The following GSPT1 variants were observed in gnomAD, a reference collection of about 807,000 sequenced individuals.
GSPT1 encodes the protein G1 to S phase transition 1.
A neutral mutation model predicts 72.5 loss-of-function variants in GSPT1; 20 were observed. The observed-to-expected ratio is 0.28, with a 90% CI of 0.19 to 0.40. The LOEUF (loss-of-function observed/expected upper bound fraction) is 0.40, where lower values mean the gene tolerates loss of function less well. GSPT1 is among the 10% of genes least tolerant of loss of function. GSPT1 has a pLI of 1.00. For synonymous variants in GSPT1, 334 were observed against 293.5 expected, an observed-to-expected ratio of 1.14 and a Z score of -1.41; for missense variants, 580 against 811.9, an observed-to-expected ratio of 0.71 and a Z score of 3.47.
chr16:11,909,089 C>T (rs1282369315), intron 1 of GSPT1, among the ~76,000 whole-genome samples: 1 of 151,352 alleles, frequency 6.6e-6, no homozygotes, highest in African/African-American at 2.4e-5. Context: ...CTGCAGAATG[C>T]GCTTTTTTTT....
At chr16:11,874,987 C>A (rs979262840) in intron 14 of GSPT1, among the ~76,000 whole-genome samples, 82 of 152,248 alleles carry the variant, frequency 5.4e-4, no homozygotes, top group African/African-American at 1.9e-3. Context: ...GTCAGGAGAT[C>A]AAGACCATCC....
At chr16:11,900,225 C>T (rs368325098) in intron 1 of GSPT1, among the ~76,000 whole-genome samples, 1 of 151,578 alleles carries the variant, frequency 6.6e-6, no homozygotes, top group East Asian at 1.9e-4. Flanking sequence ...CCCAGCTACT[C>T]GGGAGGCCAA....
chr16:11,904,337 G>C (rs1282153641), intron 1 of GSPT1, among the ~76,000 whole-genome samples: 1 of 152,078 alleles, frequency 6.6e-6, no homozygotes, highest in Non-Finnish European at 1.5e-5. Flanking sequence ...CGAGTAGCTG[G>C]GACTACAGGC....
intron 4 of GSPT1, among the ~76,000 whole-genome samples, chr16:11,896,153 C>T (rs186778201): frequency 8.5e-5 from 13 of 152,258 alleles, no homozygotes; most frequent in East Asian, 5.8e-4. Flanking sequence ...AGAAGTTACT[C>T]CAAATTATTG....
chr16:11,904,488 C>T (rs1288429742), intron 1 of GSPT1, among the ~76,000 whole-genome samples: 1 of 152,120 alleles, frequency 6.6e-6, no homozygotes, highest in East Asian at 1.9e-4. Flanking sequence ...AAGCGTGAGC[C>T]ACTGCGCCCA....
intron 1 of GSPT1, among the ~76,000 whole-genome samples, chr16:11,914,533 G>GA (rs1389127804): frequency 5.9e-5 from 9 of 152,192 alleles, no homozygotes; most frequent in Admixed American, 2.6e-4. Context: ...AGTGTCTGAA[G>GA]AAATAGACTG....
intron 1 of GSPT1, among the ~76,000 whole-genome samples, chr16:11,909,159 CACT>C (rs2054526784): frequency 6.6e-6 from 1 of 151,904 alleles, no homozygotes; most frequent in African/African-American, 2.4e-5. Context: ...TGAGTGTCAC[CACT>C]GTTAGGTCAG....
At chr16:11,885,912 G>C (rs575456110) in intron 9 of GSPT1, among the ~76,000 whole-genome samples, 28 of 152,068 alleles carry the variant, frequency 1.8e-4, no homozygotes, top group African/African-American at 6.7e-4. Context: ...CCAAAAAAAA[G>C]AAACACGGAG....
Position 11,872,820 on chromosome 16 carries a change from T to A in GSPT1, c.*299A>T. 3.4e-6 allele frequency: 1 copy of A among 294,006 alleles called. No homozygotes were observed. The highest frequency in any genetic ancestry group is 6.2e-6 in the Non-Finnish European group (1 of 160,024). The allele number at this position is 294,006 out of a possible 1,614,324, so 18.2% of individuals were successfully genotyped here. Reference sequence around the variant, plus strand: ...TGAAAAATAAAAAAATTCCTGTAGGTTTTCATTATTGTAGGCAATTATGTC... The same window carrying A: ...TGAAAAATAAAAAAATTCCTGTAGGATTTCATTATTGTAGGCAATTATGTC... On this transcript the variant is annotated 3_prime_UTR_variant, in exon 15 of 15. Coordinates refer to ENST00000434724, the MANE Select transcript of GSPT1 (RefSeq NM_002094.4).
rs1484095571 is a variant in GSPT1 at position 11,870,986 on chromosome 16, T to A, written c.*2133A>T. ...TATTTAGAAAGGGAACTCTTATCTC[T>A]GGAAGTGATTTCCGTGGCTCTTGAA... On this transcript the variant is annotated 3_prime_UTR_variant, in exon 15 of 15. Transcript: ENST00000434724. The A allele has an allele frequency of 6.6e-6, 1 of 152,222 alleles. No homozygotes were observed. Among genetic ancestry groups the A allele is most frequent in the Non-Finnish European group, 1.5e-5 (1 of 68,040 alleles). The allele number at this position is 152,222 out of a possible 1,614,324, so 9.4% of individuals were successfully genotyped here. A position where few individuals can be genotyped will look rare whatever the true frequency, so the allele number is the denominator to read the frequency against.
At chr16:11,916,485 C>T (rs893891672), upstream of GSPT1, among the ~76,000 whole-genome samples, 1 of 152,236 alleles carries the variant, frequency 6.6e-6, no homozygotes, top group Non-Finnish European at 1.5e-5. Flanking sequence ...TTCTCTGCCT[C>T]ACAGTCTCCG....
In GSPT1 at chr16:11,875,550, T is replaced by G. The variant is rs73511643; in HGVS notation, c.1861+211A>C. Among the ~76,000 whole-genome samples the G allele has an allele frequency of 6.1e-3, 923 of 152,288 alleles. 13 individuals are homozygous for G. The highest frequency in any genetic ancestry group is 0.021 in the African/African-American group (869 of 41,552). ...CACAAAACATCAAAATTAAGATTCTTCACGTAGAGCATTACTAGATTTGGC... is the reference window on the plus strand; with the variant it reads ...CACAAAACATCAAAATTAAGATTCTGCACGTAGAGCATTACTAGATTTGGC... On this transcript the variant is annotated intron_variant, in intron 14 of 14. Transcript: ENST00000434724.
Position 11,898,000 on chromosome 16 carries a change from A to ACAATGACTG in GSPT1, c.379_387dup (p.Gln127_Leu129dup). 1 of 1,551,204 alleles carries ACAATGACTG rather than the reference A, an allele frequency of 6.4e-7. No individual in the cohort carries two copies. Among genetic ancestry groups the ACAATGACTG allele is most frequent in the Non-Finnish European group, 8.7e-7 (1 of 1,144,262 alleles). On this transcript the variant is annotated inframe_insertion, in exon 2 of 15. Coordinates refer to ENST00000434724, the MANE Select transcript of GSPT1 (RefSeq NM_002094.4). ...TCAAAGAGTACATCATTACCTTCACACAATGACTGTTCCTCTTGAGAGGAT... is the reference window on the plus strand; with the variant it reads ...TCAAAGAGTACATCATTACCTTCACACAATGACTGCAATGACTGTTCCTCTTGAGAGGAT...
intron 10 of GSPT1, among the ~76,000 whole-genome samples, chr16:11,884,950 C>T (rs552230653): frequency 1.5e-3 from 234 of 151,742 alleles, no homozygotes; most frequent in Non-Finnish European, 2.3e-3. Context: ...AGCCTGTAGT[C>T]CTAGCTACTC....
At chr16:11,888,426 C>A (rs1305440728) in intron 6 of GSPT1, among the ~76,000 whole-genome samples, 2 of 149,772 alleles carry the variant, frequency 1.3e-5, no homozygotes, top group African/African-American at 5.0e-5. Context: ...CGTGCCATCG[C>A]ACTCCAGGCT....
intron 10 of GSPT1, 145 bp downstream of exon 10, chr16:11,885,031 GCACTC>G (rs2054170042): frequency 1.9e-6 from 1 of 514,638 alleles, no homozygotes; most frequent in Non-Finnish European, 3.5e-6. Flanking sequence ...TCGCGCCACT[GCACTC>G]CAGCCTGGGG....
chr16:11,912,574 A>G (rs2054574085), intron 1 of GSPT1, among the ~76,000 whole-genome samples: 1 of 152,172 alleles, frequency 6.6e-6, no homozygotes, highest in South Asian at 2.1e-4. Flanking sequence ...TAAAGGTGGG[A>G]TGATGCAAAG....
At position 11,869,796 on chromosome 16, in the gene GSPT1, C is replaced by T. The variant is rs1267380152; in HGVS notation, c.*3323G>A. The T allele has an allele frequency of 6.6e-6, 1 of 152,190 alleles. No homozygotes were observed. Among genetic ancestry groups the T allele is most frequent in the Non-Finnish European group, 1.5e-5 (1 of 68,026 alleles). 9.4% of individuals were successfully genotyped at this position (152,190 alleles called of 1,614,324 possible). A position where few individuals can be genotyped will look rare whatever the true frequency, so the allele number is the denominator to read the frequency against. On this transcript the variant is annotated 3_prime_UTR_variant, in exon 15 of 15. Coordinates refer to ENST00000434724, the MANE Select transcript of GSPT1 (RefSeq NM_002094.4). ...ATTCCAGTCATTACTAGTGTTCCTG[C>T]AGATCGCCAAGGGAGCTTAGCTGAT...
At position 11,877,266 on chromosome 16, in the gene GSPT1, G is replaced by A; in HGVS notation, c.1602+141C>T. ...CCTATTGTGGTTATGATATATAAGT[G>A]GCTTATAATATTTCCATTCCCCTTC... On this transcript the variant is annotated intron_variant, in intron 12 of 14. Coordinates refer to ENST00000434724, the MANE Select transcript of GSPT1 (RefSeq NM_002094.4). This position sits in a 1 kb window ranked among gnomAD's most constrained non-coding sequence, Gnocchi z 4.0. 1 of 589,294 alleles carries A rather than the reference G, an allele frequency of 1.7e-6. No homozygotes were observed. Among genetic ancestry groups the A allele is most frequent in the East Asian group, 3.0e-5 (1 of 33,448 alleles). 36.5% of individuals were successfully genotyped at this position (589,294 alleles called of 1,614,324 possible).
Sources: allele counts gnomAD v4.1 joint callset (sites outside exome capture counted in the v4.1 genomes callset), GRCh38; gene constraint gnomAD v4.1.1; non-coding constraint Gnocchi (gnomAD v3.1); transcripts MANE v1.5; gene names NCBI Gene and HGNC (gene_info 2026-07-23, HGNC 2026-07-21).